OTUD7A: variants seen among roughly 807,000 people sequenced by gnomAD.
The protein encoded by OTUD7A is OTU domain-containing protein 7A.
A neutral mutation model predicts 65.7 loss-of-function variants in OTUD7A; 12 were observed. The observed-to-expected ratio is 0.18, with a 90% CI of 0.12 to 0.30. The LOEUF (loss-of-function observed/expected upper bound fraction) is 0.30, where lower values mean the gene tolerates loss of function less well. Among genes scored for constraint, OTUD7A ranks in the 10% least tolerant of loss-of-function variants. OTUD7A has a pLI of 1.00. For missense variants in OTUD7A, 1,148 were observed against 1,304.8 expected, an observed-to-expected ratio of 0.88 and a Z score of 1.85; for synonymous variants, 641 against 586.3, an observed-to-expected ratio of 1.09 and a Z score of -1.35.
chr15:31,761,635 T>A (rs138321193), intron 1 of OTUD7A, among the ~76,000 whole-genome samples: 5 of 152,170 alleles, frequency 3.3e-5, no homozygotes, highest in African/African-American at 1.2e-4. Flanking sequence ...AAGTTAAGCA[T>A]AGAATTCCCA....
chr15:31,862,840 T>C (rs1262523928), intron 1 of OTUD7A, among the ~76,000 whole-genome samples: 3 of 152,158 alleles, frequency 2.0e-5, no homozygotes, highest in East Asian at 3.9e-4. Context: ...TTAACTCATT[T>C]CAGAATTAAC....
At chr15:31,817,663 C>T (rs1201826929) in intron 1 of OTUD7A, among the ~76,000 whole-genome samples, 8 of 152,128 alleles carry the variant, frequency 5.3e-5, no homozygotes, top group Non-Finnish European at 1.2e-4. Context: ...TTGGTAAGTC[C>T]TGCCCACAAC....
At chr15:31,763,119 C>G (rs948498850) in intron 1 of OTUD7A, among the ~76,000 whole-genome samples, 2 of 152,118 alleles carry the variant, frequency 1.3e-5, no homozygotes, top group South Asian at 4.1e-4. Context: ...CCCATCTCTA[C>G]TAAAAGTACA....
chr15:31,570,141 G>C lies in OTUD7A; in HGVS notation c.208C>G (p.His70Asp). 1 of 1,614,194 alleles carries C rather than the reference G, an allele frequency of 6.2e-7. No individual in the cohort carries two copies. The highest frequency in any genetic ancestry group is 8.5e-7 in the Non-Finnish European group (1 of 1,180,028). Reference sequence around the variant, plus strand: ...AACACATGTGGCAGATTGGCTGTGTGCACCTGGCGGAGCTGCTCATAGTCG... The same window carrying C: ...AACACATGTGGCAGATTGGCTGTGTCCACCTGGCGGAGCTGCTCATAGTCG... ...LSDYEQLRQVHTANLPHVFNE... is the reference protein window; with the variant it reads ...LSDYEQLRQVDTANLPHVFNE... The change falls in exon 4 of 13, where the codon CAC (histidine) becomes GAC (aspartate). Residue 70 changes from histidine to aspartate, a missense_variant. Coordinates refer to ENST00000307050, the MANE Select transcript of OTUD7A (RefSeq NM_001382637.1).
intron 8 of OTUD7A, among the ~76,000 whole-genome samples, chr15:31,512,541 T>A (rs926730794): frequency 3.9e-5 from 6 of 152,222 alleles, no homozygotes; most frequent in African/African-American, 7.2e-5. Context: ...GGAGACAGGG[T>A]CATTTATAAC....
intron 5 of OTUD7A, among the ~76,000 whole-genome samples, chr15:31,538,630 A>T (rs1887883256): frequency 6.6e-6 from 1 of 152,186 alleles, no homozygotes; most frequent in Non-Finnish European, 1.5e-5. Context: ...GTGGCAAGCC[A>T]ATTTTAACTT....
chr15:31,558,070 T>G (rs1347679487), intron 5 of OTUD7A: 3 of 152,226 alleles, frequency 2.0e-5, no homozygotes, highest in Non-Finnish European at 4.4e-5. Flanking sequence ...GCTGAGGACA[T>G]GCTCCATGTG....
intron 5 of OTUD7A, among the ~76,000 whole-genome samples, chr15:31,549,155 A>G (rs1016260905): frequency 2.6e-4 from 39 of 151,972 alleles, no homozygotes; most frequent in African/African-American, 9.2e-4. Flanking sequence ...AAAAAAAAAA[A>G]AAGTAGAATT....
In OTUD7A at chr15:31,670,994, C is replaced by CAA. The variant is rs780415699; in HGVS notation, c.-99-13919_-99-13918dup. Among the ~76,000 whole-genome samples, 927 of 138,364 alleles carry CAA rather than the reference C, an allele frequency of 6.7e-3. 10 individuals are homozygous for CAA. The highest frequency in any genetic ancestry group is 0.022 in the African/African-American group (836 of 38,446). The allele number at this position is 138,364 out of a possible 152,430, so 90.8% of individuals were successfully genotyped here. A position where few individuals can be genotyped will look rare whatever the true frequency, so the allele number is the denominator to read the frequency against. On this transcript the variant is annotated intron_variant, in intron 1 of 12. Transcript: ENST00000307050. ...TGGGGGACAAAGCGAGACTCCGTCT[C>CAA]AAAAAAAAAAAAAATCTTCTCCCAT... is the stretch of plus-strand genomic sequence containing the variant.
At chr15:31,870,063 G>A (rs1381558897) in intron 1 of OTUD7A, among the ~76,000 whole-genome samples, 1 of 150,484 alleles carries the variant, frequency 6.6e-6, no homozygotes, top group Non-Finnish European at 1.5e-5. Context: ...GCGGCTCGGG[G>A]CCGGGCCCTG....
intron 1 of OTUD7A, among the ~76,000 whole-genome samples, chr15:31,867,445 T>C (rs1471363866): frequency 1.3e-5 from 2 of 152,130 alleles, no homozygotes; most frequent in African/African-American, 2.4e-5. Context: ...TCCACCAGGC[T>C]TGGGGGCCAC....
intron 1 of OTUD7A, among the ~76,000 whole-genome samples, chr15:31,726,046 C>T (rs1827480): frequency 0.7 from 105,659 of 150,272 alleles, 37,299 homozygotes; most frequent in South Asian, 0.8. Flanking sequence ...AACCCTGAGC[C>T]AGACAGAGTT....
chr15:31,654,757 G>A (rs1220533995), intron 3 of OTUD7A, among the ~76,000 whole-genome samples: 1 of 152,130 alleles, frequency 6.6e-6, no homozygotes, highest in Non-Finnish European at 1.5e-5. Flanking sequence ...CTGTCTTCTT[G>A]CTTGTGAATT....
chr15:31,795,097 G>C (rs1457792660), intron 1 of OTUD7A, among the ~76,000 whole-genome samples: 2 of 152,154 alleles, frequency 1.3e-5, no homozygotes, highest in Non-Finnish European at 2.9e-5. Context: ...AAAGTAACTT[G>C]GGCCTTAAAG....
chr15:31,608,787 A>G (rs1463763870), intron 3 of OTUD7A, among the ~76,000 whole-genome samples: 1 of 152,254 alleles, frequency 6.6e-6, no homozygotes, highest in East Asian at 1.9e-4. Flanking sequence ...GGAAGAACAG[A>G]GCAGCGTGCG....
At chr15:31,539,080 G>T (rs990069289) in intron 5 of OTUD7A, among the ~76,000 whole-genome samples, 1 of 152,186 alleles carries the variant, frequency 6.6e-6, no homozygotes, top group Admixed American at 6.5e-5. Flanking sequence ...AGAGACTGAG[G>T]ATTCTTCTTT....
Position 31,589,470 on chromosome 15 carries a change from T to G in OTUD7A, c.152-19273A>C, listed in dbSNP as rs1283245681. On this transcript the variant is annotated intron_variant, in intron 3 of 12. Coordinates refer to ENST00000307050, the MANE Select transcript of OTUD7A (RefSeq NM_001382637.1). ...GTCCACTGTCCTGGGCTTGTTTTTTTTTTTTTTTTTTCTGTAGAGACGGGG... is the reference window on the plus strand; with the variant it reads ...GTCCACTGTCCTGGGCTTGTTTTTTGTTTTTTTTTTTCTGTAGAGACGGGG... 4.0e-5 allele frequency among the ~76,000 whole-genome samples: 6 copies of G among 149,328 alleles called. No individual in the cohort carries two copies. In the East Asian group the frequency reaches 5.9e-4, roughly 15 times the overall value.
At chr15:31,737,237 C>T (rs1422688778) in intron 1 of OTUD7A, among the ~76,000 whole-genome samples, 1 of 152,080 alleles carries the variant, frequency 6.6e-6, no homozygotes, top group Non-Finnish European at 1.5e-5. Flanking sequence ...TTAGAAAAAT[C>T]GTTGAAACAC....
chr15:31,538,235 C>G (rs114626759), intron 5 of OTUD7A, among the ~76,000 whole-genome samples: 1,644 of 152,290 alleles, frequency 0.011, 40 homozygotes, highest in African/African-American at 0.038. Flanking sequence ...GCATCCCCAG[C>G]TGGAGCTAGC....
Sources: allele counts gnomAD v4.1 joint callset (sites outside exome capture counted in the v4.1 genomes callset), GRCh38; gene constraint gnomAD v4.1.1; transcripts MANE v1.5; gene names NCBI Gene and HGNC (gene_info 2026-07-23, HGNC 2026-07-21).